MPHOSPH9: variants seen among roughly 807,000 people sequenced by gnomAD.
The protein encoded by MPHOSPH9 is M-phase phosphoprotein 9.
In MPHOSPH9, 88 loss-of-function variants were observed where a neutral mutation model predicts 145.5. The observed-to-expected ratio is 0.60, with a 90% confidence interval of 0.51 to 0.72. MPHOSPH9 has a LOEUF of 0.72. MPHOSPH9 is among the 30% of genes least tolerant of loss of function. MPHOSPH9 has a pLI of 0.00. For synonymous variants in MPHOSPH9, 435 were observed against 486.2 expected (o/e 0.89, Z 1.39); for missense variants, 1,238 against 1,386.6 (o/e 0.89, Z 1.70).
chr12:123,197,663 TCCCA>T (rs1176674559), intron 12 of MPHOSPH9, among the ~76,000 whole-genome samples: 2 of 151,678 alleles, frequency 1.3e-5, no homozygotes, highest in Non-Finnish European at 2.9e-5. Flanking sequence ...GCACCTGTAG[TCCCA>T]GCTACTAGGG....
chr12:123,223,064 G>T lies in MPHOSPH9; in HGVS notation c.322C>A (p.Gln108Lys). The T allele has an allele frequency of 1.3e-6, 2 of 1,515,394 alleles. No homozygotes were observed. Among genetic ancestry groups the T allele is most frequent in the Non-Finnish European group, 1.8e-6 (2 of 1,137,624 alleles). The allele number at this position is 1,515,394 out of a possible 1,614,324, so 93.9% of individuals were successfully genotyped here. ...TGAATTTGGTTGTGGAACTGCTCCT[G>T]CTGGGCAACTATCTGTTCTTGGCAT... Reference protein sequence around the residue: ...KQCQEQIVAQQEQFHNQIQHI... With the variant: ...KQCQEQIVAQKEQFHNQIQHI... Residue 108 changes from glutamine (Q) to lysine (K), a missense_variant, in exon 4 of 24, where the codon CAG (glutamine) becomes AAG (lysine). By Grantham distance (53) the Gln-to-Lys change is moderately conservative. This residue lies in a region of MPHOSPH9 where 837 missense variants were observed against 897.5 expected (regional missense o/e 0.93). Transcript: ENST00000606320.
intron 7 of MPHOSPH9, 31 bp from the exon 8 acceptor site, chr12:123,210,193 G>C (rs200742403): frequency 8.5e-5 from 116 of 1,366,184 alleles, no homozygotes; most frequent in South Asian, 2.8e-4. Context: ...GAATAGAAAA[G>C]AGTGAGAAAA....
intron 22 of MPHOSPH9, 62 bp from the exon 23 acceptor site, chr12:123,160,911 G>T: frequency 6.5e-7 from 1 of 1,543,624 alleles, no homozygotes; most frequent in South Asian, 1.1e-5. Context: ...ACACAGAATG[G>T]AAAGAAAAGG....
intron 8 of MPHOSPH9, among the ~76,000 whole-genome samples, chr12:123,205,528 A>G (rs1216394024): frequency 1.3e-5 from 2 of 152,172 alleles, no homozygotes; most frequent in African/African-American, 2.4e-5. Context: ...CCTGTGAAAC[A>G]GAGCGAGACT....
At chr12:123,172,130 T>C (rs577677180) in intron 16 of MPHOSPH9, among the ~76,000 whole-genome samples, 10 of 152,328 alleles carry the variant, frequency 6.6e-5, no homozygotes, top group African/African-American at 2.4e-4. Flanking sequence ...TTAATCCACG[T>C]TGACCGTCTA....
chr12:123,240,727 C>CTTTTTTT (rs62837760), intron 1 of MPHOSPH9: 1 of 102,104 alleles, frequency 9.8e-6, no homozygotes, highest in African/African-American at 3.7e-5. Flanking sequence ...TTTTATTGAC[C>CTTTTTTT]TTTTTTTTTT....
At chr12:123,162,905 G>A in intron 20 of MPHOSPH9, 109 bp downstream of exon 20, 1 of 1,043,390 alleles carries the variant, frequency 9.6e-7, no homozygotes, top group Non-Finnish European at 1.3e-6. Flanking sequence ...GAAATTCACA[G>A]AGTTCCCACT....
chr12:123,219,063 C>T (rs2047089573), intron 5 of MPHOSPH9, among the ~76,000 whole-genome samples: 1 of 151,796 alleles, frequency 6.6e-6, no homozygotes, highest in Non-Finnish European at 1.5e-5. Context: ...CCACCACACC[C>T]AGCTAATTTT....
intron 7 of MPHOSPH9, among the ~76,000 whole-genome samples, chr12:123,212,579 T>C (rs1593206641): frequency 6.6e-6 from 1 of 151,876 alleles, no homozygotes; most frequent in Non-Finnish European, 1.5e-5. Context: ...TGGTAGTGCA[T>C]GCCTGTAATC....
chr12:123,241,353 C>T (rs867127064), intron 1 of MPHOSPH9, among the ~76,000 whole-genome samples: 63 of 151,960 alleles, frequency 4.1e-4, no homozygotes, highest in African/African-American at 1.5e-3. Context: ...TTTTTTGAGA[C>T]AGAGTCTCGC....
At chr12:123,180,809 G>A (rs2045097319) in intron 14 of MPHOSPH9, among the ~76,000 whole-genome samples, 1 of 151,102 alleles carries the variant, frequency 6.6e-6, no homozygotes, top group Non-Finnish European at 1.5e-5. Flanking sequence ...GGAGGCAGAG[G>A]TTGTGGTGAG....
intron 19 of MPHOSPH9, chr12:123,163,426 C>T: frequency 3.4e-6 from 1 of 291,836 alleles, no homozygotes; most frequent in Admixed American, 4.9e-5. Context: ...CAGTACACTA[C>T]TGAACATTCC....
chr12:123,165,258 A>G, intron 18 of MPHOSPH9, 44 bp downstream of exon 18: 1 of 1,486,094 alleles, frequency 6.7e-7, no homozygotes, highest in South Asian at 1.3e-5. Context: ...ATAAATGGGG[A>G]AAAGATATCT....
At chr12:123,221,974 G>T in intron 4 of MPHOSPH9, 79 bp from the exon 5 acceptor site, 1 of 764,474 alleles carries the variant, frequency 1.3e-6, no homozygotes, top group Non-Finnish European at 2.0e-6. Flanking sequence ...AGAATATCAT[G>T]TTTCAAAATA....
At chr12:123,239,936 C>T (rs1398778000) in intron 1 of MPHOSPH9, among the ~76,000 whole-genome samples, 1 of 152,056 alleles carries the variant, frequency 6.6e-6, no homozygotes, top group East Asian at 1.9e-4. Context: ...CATCATGATC[C>T]CAGGGATCTC....
At chr12:123,230,108 C>T in intron 2 of MPHOSPH9, 153 bp downstream of exon 2, 1 of 512,684 alleles carries the variant, frequency 2.0e-6, no homozygotes, top group Non-Finnish European at 3.4e-6. Flanking sequence ...AGGCATGAGC[C>T]ACCGCGCCCA....
chr12:123,243,683 G>A (rs10772999), intron 1 of MPHOSPH9: 89,820 of 152,026 alleles, frequency 0.59, 30,787 homozygotes, highest in Non-Finnish European at 0.75. Flanking sequence ...CCACCCTGGC[G>A]ACAAAGCAAG....
intron 16 of MPHOSPH9, among the ~76,000 whole-genome samples, chr12:123,173,507 T>C (rs1489946866): frequency 6.6e-6 from 1 of 152,166 alleles, no homozygotes; most frequent in African/African-American, 2.4e-5. Context: ...GGGGAAGGAA[T>C]GCTGCACAAA....
chr12:123,165,998 C>T (rs1284871367), intron 17 of MPHOSPH9, among the ~76,000 whole-genome samples: 4 of 152,250 alleles, frequency 2.6e-5, no homozygotes, highest in Admixed American at 6.5e-5. Flanking sequence ...TCTAGTCCTA[C>T]ACTTAGAGGA....
Sources: allele counts gnomAD v4.1 joint callset (sites outside exome capture counted in the v4.1 genomes callset), GRCh38; gene constraint gnomAD v4.1.1; regional missense constraint gnomAD v4.1.1; transcripts MANE v1.5; gene names NCBI Gene and HGNC (gene_info 2026-07-23, HGNC 2026-07-21).